PRKAR1B: variants seen among roughly 807,000 people sequenced by gnomAD.
PRKAR1B encodes protein kinase cAMP-dependent type I regulatory subunit beta, also known as cAMP-dependent protein kinase type I-beta regulatory subunit.
A neutral mutation model predicts 46.5 loss-of-function variants in PRKAR1B; 22 were observed. The observed-to-expected ratio is 0.47, with a 90% CI of 0.34 to 0.68. PRKAR1B has a LOEUF of 0.68. PRKAR1B is among the 30% of genes least tolerant of loss of function. PRKAR1B has a pLI of 0.01. For synonymous variants in PRKAR1B, 259 were observed against 217.7 expected (o/e 1.19, Z -1.67); for missense variants, 445 against 535.6 (o/e 0.83, Z 1.67).
intron 6 of PRKAR1B, 145 bp downstream of exon 6, chr7:606,048 A>G: frequency 1.4e-6 from 1 of 718,652 alleles, no homozygotes; most frequent in Non-Finnish European, 2.4e-6. Context: ...TCCAAGAGAT[A>G]GCAGTTGCAT....
rs186713375 is a variant in PRKAR1B at position 569,369 on chromosome 7, T to A, written c.891+9887A>T. 4.6e-5 allele frequency among the ~76,000 whole-genome samples: 7 copies of A among 152,330 alleles called. No individual in the cohort carries two copies. The East Asian group carries it at 1.4e-3, about 29-fold the overall frequency. On this transcript the variant is annotated intron_variant, in intron 9 of 10. Coordinates refer to ENST00000537384, the MANE Select transcript of PRKAR1B (RefSeq NM_001164760.2). ...AAGGCAAGTGAAGACGTCCCATGCC[T>A]TTGGGAAAACAGTTGTCCCCTGGAG...
At chr7:555,928 C>A (rs960911348) in intron 9 of PRKAR1B, among the ~76,000 whole-genome samples, 4 of 152,208 alleles carry the variant, frequency 2.6e-5, no homozygotes, top group Non-Finnish European at 5.9e-5. Flanking sequence ...AGGCCCCCCA[C>A]CTCAATGCAT....
upstream of PRKAR1B, chr7:727,460 C>T (rs2128066888): frequency 8.9e-6 from 3 of 337,380 alleles, no homozygotes; most frequent in Admixed American, 1.2e-4. Flanking sequence ...CCCCATGCGC[C>T]GCTTCCCCCA....
chr7:591,731 T>G (rs1301353778), intron 7 of PRKAR1B, among the ~76,000 whole-genome samples: 6 of 151,246 alleles, frequency 4.0e-5, no homozygotes, highest in African/African-American at 9.7e-5. Context: ...AGCAGCCACT[T>G]CTCCAGCCTG....
At chr7:728,839 G>C (rs528841816), upstream of PRKAR1B, among the ~76,000 whole-genome samples, 8 of 152,202 alleles carry the variant, frequency 5.3e-5, no homozygotes, top group Non-Finnish European at 8.8e-5. Flanking sequence ...CCTGGGTGGG[G>C]GGCCTCACCT....
intron 4 of PRKAR1B, among the ~76,000 whole-genome samples, chr7:624,813 G>A (rs1472343876): frequency 6.6e-6 from 1 of 152,150 alleles, no homozygotes; most frequent in South Asian, 2.1e-4. Flanking sequence ...GATCCAGCAG[G>A]CAGAAAATCA....
Position 636,002 on chromosome 7 carries a change from G to A in PRKAR1B, c.441-28550C>T, listed in dbSNP as rs1205548770. Among the ~76,000 whole-genome samples the A allele has an allele frequency of 2.9e-3, 226 of 76,764 alleles. 2 individuals carry two copies. The highest frequency in any genetic ancestry group is 9.7e-3 in the African/African-American group (188 of 19,472). The allele number at this position is 76,764 out of a possible 152,430, so 50.4% of individuals were successfully genotyped here. Reference sequence around the variant, plus strand: ...CGGCCGCGCCCTCACGTCCTCCACCGGCCGCGCCCTCACGTCCTCCACCGG... The same window carrying A: ...CGGCCGCGCCCTCACGTCCTCCACCAGCCGCGCCCTCACGTCCTCCACCGG... On this transcript the variant is annotated intron_variant, in intron 4 of 10. Coordinates refer to ENST00000537384, the MANE Select transcript of PRKAR1B (RefSeq NM_001164760.2).
chr7:640,917 G>A (rs1278570664), intron 4 of PRKAR1B, among the ~76,000 whole-genome samples: 1 of 152,062 alleles, frequency 6.6e-6, no homozygotes, highest in Non-Finnish European at 1.5e-5. Flanking sequence ...ATACGTTGCT[G>A]GTGGAAATGC....
intron 9 of PRKAR1B, among the ~76,000 whole-genome samples, chr7:559,868 G>T (rs549627476): frequency 6.6e-5 from 10 of 152,336 alleles, no homozygotes; most frequent in African/African-American, 2.2e-4. Context: ...TTGAGCCCAG[G>T]TGTTCAAGGT....
At chr7:571,798 C>T (rs1453053392) in intron 9 of PRKAR1B, among the ~76,000 whole-genome samples, 1 of 152,182 alleles carries the variant, frequency 6.6e-6, no homozygotes, top group Non-Finnish European at 1.5e-5. Context: ...GGGCACCGCC[C>T]CACCCAGCCC....
intron 6 of PRKAR1B, among the ~76,000 whole-genome samples, chr7:601,619 C>T (rs955673844): frequency 5.3e-5 from 8 of 152,170 alleles, no homozygotes; most frequent in East Asian, 1.9e-4. Context: ...CGCCCGGCCC[C>T]GCCCGGCCCC....
intron 4 of PRKAR1B, among the ~76,000 whole-genome samples, chr7:615,825 CAAAAAA>C (rs71016887): frequency 5.3e-5 from 5 of 94,448 alleles, no homozygotes; most frequent in Admixed American, 1.2e-4. Context: ...AAGACTCCAT[CAAAAAA>C]AAAAAAAAAA....
rs1442296018 is a variant in PRKAR1B at position 656,936 on chromosome 7, AGTGAACGAATGAATGGATGC to A, written c.440+20273_440+20292del. On this transcript the variant is annotated intron_variant, in intron 4 of 10. Coordinates refer to ENST00000537384, the MANE Select transcript of PRKAR1B (RefSeq NM_001164760.2). The stretch of plus-strand genomic sequence containing the variant: ...GGACGGATGGATGAATGAATGAATG[AGTGAACGAATGAATGGATGC>A]ATGAGTGAATGCATGGATGGACGGA... Among the ~76,000 whole-genome samples the A allele has an allele frequency of 3.5e-3, 533 of 150,532 alleles. 1 individual carries two copies. The highest frequency in any genetic ancestry group is 0.017 in the South Asian group (81 of 4,724).
intron 6 of PRKAR1B, among the ~76,000 whole-genome samples, chr7:603,706 ATG>A (rs1781798105): frequency 1.2e-5 from 1 of 84,974 alleles, no homozygotes; most frequent in African/African-American, 5.0e-5. Context: ...AGTGGAGGGG[ATG>A]GGGGAGGAGG....
intron 2 of PRKAR1B, among the ~76,000 whole-genome samples, chr7:681,999 G>A (rs1348672698): frequency 6.6e-6 from 1 of 152,076 alleles, no homozygotes; most frequent in African/African-American, 2.4e-5. Flanking sequence ...CTTTCTCACT[G>A]CAATTCTGCC....
At chr7:578,606 C>G (rs1429122465) in intron 9 of PRKAR1B, among the ~76,000 whole-genome samples, 1 of 152,154 alleles carries the variant, frequency 6.6e-6, no homozygotes, top group African/African-American at 2.4e-5. Context: ...GGTGCCATCC[C>G]CCACCCCACT....
chr7:691,005 G>A (rs373380116), intron 2 of PRKAR1B, among the ~76,000 whole-genome samples: 2 of 151,134 alleles, frequency 1.3e-5, no homozygotes, highest in African/African-American at 2.4e-5. Context: ...GAAGGGTCCC[G>A]CGCCCACCCA....
At chr7:553,485 C>T (rs1398739268) in intron 9 of PRKAR1B, among the ~76,000 whole-genome samples, 1 of 152,174 alleles carries the variant, frequency 6.6e-6, no homozygotes, top group Non-Finnish European at 1.5e-5. Context: ...AAGCTGAGGC[C>T]CAGGAAGGTG....
chr7:566,249 CA>C (rs1779124213), intron 9 of PRKAR1B, among the ~76,000 whole-genome samples: 1 of 96,644 alleles, frequency 1.0e-5, no homozygotes, highest in Admixed American at 9.6e-5. Context: ...TCATCATCAC[CA>C]TGACATCATC....
Sources: allele counts gnomAD v4.1 joint callset (sites outside exome capture counted in the v4.1 genomes callset), GRCh38; gene constraint gnomAD v4.1.1; transcripts MANE v1.5; gene names NCBI Gene and HGNC (gene_info 2026-07-23, HGNC 2026-07-21).